PAM: variants seen among roughly 807,000 people sequenced by gnomAD.
The protein encoded by PAM is peptidylglycine alpha-amidating monooxygenase.
Under a neutral mutation model 122.1 loss-of-function variants are expected in PAM, and 72 were observed. The observed-to-expected ratio is 0.59, with a 90% confidence interval of 0.49 to 0.72. The LOEUF is 0.72. Ranked by LOEUF, PAM falls within the 30% of genes least tolerant of loss-of-function variation. The probability of loss-of-function intolerance (pLI) is 0.00; values close to 1 mark genes in which losing one functional copy is unlikely to be tolerated. For synonymous variants in PAM, 389 were observed against 404.4 expected, an observed-to-expected ratio of 0.96 and a Z score of 0.46; for missense variants, 1,106 against 1,183.7, an observed-to-expected ratio of 0.93 and a Z score of 0.96.
intron 1 of PAM, among the ~76,000 whole-genome samples, chr5:102,850,869 A>C (rs1440605658): frequency 3.3e-5 from 5 of 152,208 alleles, no homozygotes; most frequent in African/African-American, 4.8e-5. Flanking sequence ...AGAAATCTAG[A>C]GGTAGAAAAA....
At chr5:102,923,339 C>T (rs1022096383) in intron 5 of PAM, among the ~76,000 whole-genome samples, 1 of 152,132 alleles carries the variant, frequency 6.6e-6, no homozygotes, top group African/African-American at 2.4e-5. Flanking sequence ...CAGTTTCTAA[C>T]CTATTTAGGA....
chr5:102,886,978 A>G (rs1230368546), intron 3 of PAM, among the ~76,000 whole-genome samples: 1 of 152,090 alleles, frequency 6.6e-6, no homozygotes, highest in Admixed American at 6.6e-5. Flanking sequence ...GATGACCCAT[A>G]TAGTATCAAA....
intron 7 of PAM, among the ~76,000 whole-genome samples, chr5:102,940,123 CACACACACACACACACACACACACACAT>C (rs1359540468): frequency 1.4e-5 from 2 of 143,230 alleles, no homozygotes; most frequent in African/African-American, 5.8e-5. Flanking sequence ...CATACACACA[CACACACACACACACACACACACACACAT>C]ACACACACAC....
intron 14 of PAM, among the ~76,000 whole-genome samples, chr5:102,961,983 C>G (rs1460881878): frequency 1.1e-4 from 17 of 151,828 alleles, no homozygotes. Flanking sequence ...TAATGCAAAC[C>G]CACTTCTACT....
intron 24 of PAM, among the ~76,000 whole-genome samples, chr5:103,026,671 G>A (rs775741414): frequency 6.8e-4 from 104 of 152,218 alleles, no homozygotes; most frequent in Non-Finnish European, 1.1e-3. Context: ...ACAAATAATA[G>A]TTTCTGATAC....
chr5:102,992,612 GT>G (rs922229288), intron 16 of PAM, among the ~76,000 whole-genome samples: 1 of 151,728 alleles, frequency 6.6e-6, no homozygotes, highest in African/African-American at 2.4e-5. Flanking sequence ...AGTATATCGG[GT>G]TTTTTTTGTC....
chr5:102,859,516 T>C (rs1184882754), intron 1 of PAM, among the ~76,000 whole-genome samples: 51 of 151,734 alleles, frequency 3.4e-4, no homozygotes, highest in Admixed American at 3.3e-3. Context: ...TGCAAAGGAG[T>C]TAAAAAGTTA....
chr5:102,949,769 G>T (rs1041618601), intron 10 of PAM, 133 bp from the exon 11 acceptor site: 37 of 681,084 alleles, frequency 5.4e-5, no homozygotes, highest in Non-Finnish European at 8.8e-5. Flanking sequence ...TTATCATATT[G>T]TTTTTTTAAG....
intron 5 of PAM, among the ~76,000 whole-genome samples, chr5:102,916,309 A>T (rs899569564): frequency 6.6e-6 from 1 of 152,160 alleles, no homozygotes; most frequent in African/African-American, 2.4e-5. Flanking sequence ...ACCTCAAGCA[A>T]GCAGCTCACT....
At chr5:102,911,393 G>A (rs1014238757) in intron 4 of PAM, among the ~76,000 whole-genome samples, 1 of 151,842 alleles carries the variant, frequency 6.6e-6, no homozygotes, top group African/African-American at 2.4e-5. Context: ...CTTAAAGACA[G>A]TTGTTTCTCA....
At chr5:102,764,826 A>G (rs1347911063) in intron 1 of PAM, among the ~76,000 whole-genome samples, 3 of 152,114 alleles carry the variant, frequency 2.0e-5, no homozygotes, top group Non-Finnish European at 4.4e-5. Flanking sequence ...TGTCAATGAC[A>G]ATCCCTTCAT....
chr5:103,025,854 A>G (rs987471342), intron 24 of PAM, among the ~76,000 whole-genome samples: 3 of 152,322 alleles, frequency 2.0e-5, no homozygotes, highest in Admixed American at 2.0e-4. Context: ...TACAAAGATG[A>G]AATAATGTAC....
Position 102,882,397 on chromosome 5 carries a change from A to AT in PAM, c.210+15012dup, listed in dbSNP as rs528551485. Among the ~76,000 whole-genome samples the AT allele has an allele frequency of 7.9e-4, 119 of 151,126 alleles. 4 individuals carry two copies. The East Asian group carries it at 0.019, about 24-fold the overall frequency. On this transcript the variant is annotated intron_variant, in intron 3 of 25. Coordinates refer to ENST00000438793, the MANE Select transcript of PAM (RefSeq NM_001177306.2). Reference sequence around the variant, plus strand: ...CACACCAACATCTATTATTTTATAGATTTTTTTTATTGTGGCCATTCTTGC... The same window carrying AT: ...CACACCAACATCTATTATTTTATAGATTTTTTTTTATTGTGGCCATTCTTGC...
chr5:102,941,615 G>A (rs1755245599), intron 7 of PAM, among the ~76,000 whole-genome samples: 1 of 151,922 alleles, frequency 6.6e-6, no homozygotes, highest in South Asian at 2.1e-4. Flanking sequence ...TTATCTCGAT[G>A]TATCTGTAAC....
intron 1 of PAM, among the ~76,000 whole-genome samples, chr5:102,840,778 G>A (rs545595424): frequency 6.6e-6 from 1 of 152,306 alleles, no homozygotes; most frequent in South Asian, 2.1e-4. Flanking sequence ...AGCCAGCAGG[G>A]TAGAGGAAGG....
At chr5:102,783,794 G>A (rs1360804831) in intron 1 of PAM, among the ~76,000 whole-genome samples, 3 of 152,176 alleles carry the variant, frequency 2.0e-5, no homozygotes, top group African/African-American at 7.2e-5. Context: ...CCGTCAGGGA[G>A]CATACCAGCT....
chr5:102,763,897 G>A (rs1480617898), intron 1 of PAM, among the ~76,000 whole-genome samples: 1 of 152,160 alleles, frequency 6.6e-6, no homozygotes, highest in Non-Finnish European at 1.5e-5. Flanking sequence ...GACTTGATGT[G>A]ATTTGTGTTT....
At chr5:102,972,254 G>C (rs1478630534) in intron 14 of PAM, among the ~76,000 whole-genome samples, 3 of 151,988 alleles carry the variant, frequency 2.0e-5, no homozygotes, top group Non-Finnish European at 4.4e-5. Context: ...AACAATAATA[G>C]CTTAAACATA....
At chr5:102,954,623 C>T (rs1463497569) in intron 12 of PAM, among the ~76,000 whole-genome samples, 1 of 151,822 alleles carries the variant, frequency 6.6e-6, no homozygotes, top group African/African-American at 2.4e-5. Context: ...ACTAATTGTT[C>T]TATGAAGAAG....
Sources: allele counts gnomAD v4.1 joint callset (sites outside exome capture counted in the v4.1 genomes callset), GRCh38; gene constraint gnomAD v4.1.1; transcripts MANE v1.5; gene names NCBI Gene and HGNC (gene_info 2026-07-23, HGNC 2026-07-21).